The following TMEM156 variants were observed in gnomAD, a reference collection of about 807,000 sequenced individuals.
TMEM156 encodes the protein transmembrane protein 156.
In TMEM156, 28 loss-of-function variants were observed where a neutral mutation model predicts 30.5. The ratio of observed to expected loss-of-function variants is 0.92; its 90% CI spans 0.68 to 1.26. The LOEUF (loss-of-function observed/expected upper bound fraction) is 1.26, where lower values mean the gene tolerates loss of function less well. Among genes scored for constraint, TMEM156 ranks in the 50% most tolerant of loss-of-function variants. The pLI is 0.00. For missense variants in TMEM156, 351 were observed against 340.6 expected, an observed-to-expected ratio of 1.03 and a Z score of -0.24; for synonymous variants, 137 against 119.9, an observed-to-expected ratio of 1.14 and a Z score of -0.93.
chr4:39,004,707 A>G (rs1274326752), intron 1 of TMEM156, among the ~76,000 whole-genome samples: 1 of 152,170 alleles, frequency 6.6e-6, no homozygotes, highest in Non-Finnish European at 1.5e-5. Context: ...TTCTTCTGAC[A>G]GTGAACATTT....
chr4:38,992,705 A>ATATAT (rs1712577100), intron 3 of TMEM156, among the ~76,000 whole-genome samples: 7 of 41,562 alleles, frequency 1.7e-4, no homozygotes, highest in African/African-American at 4.9e-4. Context: ...TATATAATAT[A>ATATAT]TATATATTAT....
At chr4:39,016,771 T>G (rs184068740) in intron 1 of TMEM156, among the ~76,000 whole-genome samples, 1 of 152,192 alleles carries the variant, frequency 6.6e-6, no homozygotes, top group East Asian at 1.9e-4. Context: ...TTGTTTGAAA[T>G]GTATTGAGGC....
At chr4:38,996,572 AAAAAG>A (rs918680941) in intron 2 of TMEM156, among the ~76,000 whole-genome samples, 7 of 152,118 alleles carry the variant, frequency 4.6e-5, no homozygotes, top group African/African-American at 1.7e-4. Flanking sequence ...ACTCCATCTC[AAAAAG>A]AAAAGAAAAG....
intron 1 of TMEM156, among the ~76,000 whole-genome samples, chr4:39,028,091 T>C (rs906525212): frequency 1.3e-5 from 2 of 152,148 alleles, no homozygotes; most frequent in African/African-American, 2.4e-5. Context: ...TTTCACCATG[T>C]TGGTCAGGCT....
rs551510459 is a variant in TMEM156, at chr4:39,022,901, GA to G, written c.88+9324del. ...ATTAAATATAAACTAGAGAAAATGA[GA>G]ATTTTTTGCTACTAGAAATATTGCT... On this transcript the variant is annotated intron_variant, in intron 1 of 6. Transcript: ENST00000381938. 6.4e-3 allele frequency among the ~76,000 whole-genome samples: 974 copies of G among 152,284 alleles called. 14 individuals are homozygous for G. The highest frequency in any genetic ancestry group is 0.022 in the African/African-American group (930 of 41,558).
chr4:38,998,401 G>C (rs542691881), intron 2 of TMEM156: 76 of 202,562 alleles, frequency 3.8e-4, no homozygotes, highest in African/African-American at 1.3e-3. Flanking sequence ...AAAATTAGCC[G>C]GGTGTGGTGG....
At chr4:39,000,642 T>G (rs1713274017) in intron 1 of TMEM156, among the ~76,000 whole-genome samples, 1 of 152,122 alleles carries the variant, frequency 6.6e-6, no homozygotes. Context: ...ATCCCAGCAC[T>G]TTGGGAGGCT....
chr4:39,018,150 A>G (rs1021534718), intron 1 of TMEM156, among the ~76,000 whole-genome samples: 7 of 151,724 alleles, frequency 4.6e-5, no homozygotes, highest in Non-Finnish European at 8.8e-5. Context: ...GTTAGATACT[A>G]TATTTCTATT....
Position 38,990,586 on chromosome 4 carries a change from A to G in TMEM156, c.620-1616T>C, listed in dbSNP as rs374910530. 9.1e-4 allele frequency among the ~76,000 whole-genome samples: 139 copies of G among 152,288 alleles called. 1 individual carries two copies. The highest frequency in any genetic ancestry group is 3.3e-3 in the African/African-American group (137 of 41,576). On this transcript the variant is annotated intron_variant, in intron 3 of 6. Transcript: ENST00000381938. ...CCAGTGCAGCCACCAGCATGATCTC[A>G]GAAGAGTGTATCTCCTAGGGTCCTG...
chr4:39,019,506 G>A (rs904661068), intron 1 of TMEM156, among the ~76,000 whole-genome samples: 3 of 145,504 alleles, frequency 2.1e-5, no homozygotes, highest in Non-Finnish European at 4.5e-5. Flanking sequence ...CCACATATTT[G>A]TTTTATATTA....
chr4:39,017,789 T>C (rs1714599994), intron 1 of TMEM156, among the ~76,000 whole-genome samples: 1 of 152,232 alleles, frequency 6.6e-6, no homozygotes, highest in East Asian at 1.9e-4. Context: ...ATGTTAATCT[T>C]AAAATCTTAC....
At chr4:38,990,457 G>A (rs1352582215) in intron 3 of TMEM156, among the ~76,000 whole-genome samples, 1 of 152,190 alleles carries the variant, frequency 6.6e-6, no homozygotes, top group Non-Finnish European at 1.5e-5. Flanking sequence ...CAACGATCAG[G>A]ATGGGTCCAA....
At chr4:38,987,262 T>C (rs1221041459) in intron 4 of TMEM156, among the ~76,000 whole-genome samples, 1 of 152,254 alleles carries the variant, frequency 6.6e-6, no homozygotes, top group Non-Finnish European at 1.5e-5. Flanking sequence ...TTTTACTAGC[T>C]GTGCAGCTTT....
intron 1 of TMEM156, among the ~76,000 whole-genome samples, chr4:39,031,611 C>G (rs1480567757): frequency 6.6e-6 from 1 of 152,062 alleles, no homozygotes; most frequent in African/African-American, 2.4e-5. Context: ...TTGGGCCAGG[C>G]ACAGTGGCAC....
At position 38,981,832 on chromosome 4, in the gene TMEM156, A is replaced by G. The variant is rs529258902; in HGVS notation, c.823+4504T>C. ...TCTCCTTAACTATGTTGGAAGCTCT[A>G]TAAAGGCAAGGACTGTGCCTATGGT... On this transcript the variant is annotated intron_variant, in intron 5 of 6. Coordinates refer to ENST00000381938, the MANE Select transcript of TMEM156 (RefSeq NM_024943.3). 1.5e-4 allele frequency among the ~76,000 whole-genome samples: 23 copies of G among 152,342 alleles called. No homozygotes were observed. In the South Asian group the frequency reaches 4.1e-3, roughly 27 times the overall value.
chr4:39,002,277 G>A (rs1268482629), intron 1 of TMEM156, among the ~76,000 whole-genome samples: 1 of 152,130 alleles, frequency 6.6e-6, no homozygotes, highest in South Asian at 2.1e-4. Flanking sequence ...AAAAACACAC[G>A]AAAAAATGTT....
At chr4:38,976,078 G>T (rs1722836911) in intron 5 of TMEM156, among the ~76,000 whole-genome samples, 2 of 151,950 alleles carry the variant, frequency 1.3e-5, no homozygotes, top group African/African-American at 2.4e-5. Flanking sequence ...CCCGAGGTCA[G>T]GAGATCGAGA....
At chr4:39,026,968 A>G in intron 1 of TMEM156, among the ~76,000 whole-genome samples, 1 of 152,106 alleles carries the variant, frequency 6.6e-6, no homozygotes, top group East Asian at 1.9e-4. Flanking sequence ...AAGAAGCAAA[A>G]TCTTACCACA....
intron 5 of TMEM156, among the ~76,000 whole-genome samples, chr4:38,978,585 TG>T (rs1202063976): frequency 2.0e-5 from 3 of 152,098 alleles, no homozygotes; most frequent in Admixed American, 6.6e-5. Flanking sequence ...ACCCATGATT[TG>T]GGGGTAACAA....
Sources: gnomAD v4.1 joint callset for allele counts (sites outside exome capture counted in the v4.1 genomes callset) on GRCh38, gnomAD v4.1.1 for gene constraint, MANE v1.5 for transcripts, NCBI Gene and HGNC (gene_info 2026-07-23, HGNC 2026-07-21) for gene names.